MAGI1: variants seen among roughly 807,000 people sequenced by gnomAD.
MAGI1 encodes the protein membrane associated guanylate kinase, WW and PDZ domain containing 1, also known as membrane-associated guanylate kinase, WW and PDZ domain-containing protein 1.
In MAGI1, 58 loss-of-function variants were observed where a neutral mutation model predicts 139.9. The ratio of observed to expected loss-of-function variants is 0.41; its 90% CI spans 0.34 to 0.52. MAGI1 has a LOEUF of 0.52. MAGI1 is among the 20% of genes least tolerant of loss of function. The pLI, the probability that MAGI1 is intolerant of heterozygous loss-of-function variation, is 0.12. For synonymous variants in MAGI1, 812 were observed against 737.9 expected, an observed-to-expected ratio of 1.10 and a Z score of -1.63; for missense variants, 1,874 against 1,901.6, an observed-to-expected ratio of 0.99 and a Z score of 0.27.
chr3:65,985,583 C>A (rs1253205682), intron 1 of MAGI1, among the ~76,000 whole-genome samples: 1 of 152,184 alleles, frequency 6.6e-6, no homozygotes. Flanking sequence ...AATAGACTTT[C>A]TTAAGTGGAA....
chr3:65,408,745 A>G (rs1279327844), intron 12 of MAGI1, among the ~76,000 whole-genome samples: 1 of 152,252 alleles, frequency 6.6e-6, no homozygotes. Context: ...AGCTAACGAC[A>G]GTCCAGAAAA....
In MAGI1 at chr3:65,511,798, A is replaced by G. The variant is rs1229809964; in HGVS notation, c.431-18167T>C. Among the ~76,000 whole-genome samples the G allele has an allele frequency of 6.3e-5, 9 of 143,090 alleles. No homozygotes were observed. The Admixed American group carries it at 6.4e-4, about 10-fold the overall frequency. The allele number at this position is 143,090 out of a possible 152,430, so 93.9% of individuals were successfully genotyped here. ...AGGAATTGAACTCAGCTCTGCACCA[A>G]GTGGACCTAATAGACATCTACAGAA... On this transcript the variant is annotated intron_variant, in intron 2 of 22. Transcript: ENST00000402939.
intron 1 of MAGI1, among the ~76,000 whole-genome samples, chr3:65,663,889 CA>C (rs1487593460): frequency 6.6e-6 from 1 of 152,170 alleles, no homozygotes; most frequent in African/African-American, 2.4e-5. Context: ...GGATCAAAAG[CA>C]ACCCCACTGT....
intron 2 of MAGI1, among the ~76,000 whole-genome samples, chr3:65,499,988 TG>T (rs1011144453): frequency 4.6e-5 from 7 of 152,180 alleles, no homozygotes; most frequent in African/African-American, 1.7e-4. Flanking sequence ...ACCTGATTCT[TG>T]GATATTTTAT....
intron 13 of MAGI1, among the ~76,000 whole-genome samples, chr3:65,396,708 G>A (rs927844336): frequency 3.9e-5 from 6 of 152,190 alleles, no homozygotes; most frequent in African/African-American, 1.4e-4. Context: ...TGCCAAGAGC[G>A]AAGGCTACTG....
intron 2 of MAGI1, among the ~76,000 whole-genome samples, chr3:65,526,545 G>GA (rs1351493145): frequency 2.0e-5 from 3 of 152,186 alleles, no homozygotes; most frequent in Non-Finnish European, 2.9e-5. Flanking sequence ...ATTTGGTAAT[G>GA]AAACTATCCT....
intron 1 of MAGI1, among the ~76,000 whole-genome samples, chr3:65,776,865 A>G (rs1485570031): frequency 6.6e-6 from 1 of 152,192 alleles, no homozygotes. Context: ...TTTTGTTTCT[A>G]TCCATCGCTG....
At chr3:65,475,549 C>T (rs1450250812) in intron 4 of MAGI1, among the ~76,000 whole-genome samples, 1 of 152,158 alleles carries the variant, frequency 6.6e-6, no homozygotes, top group Non-Finnish European at 1.5e-5. Flanking sequence ...AATATTTTTG[C>T]AAAAGTCTTT....
chr3:65,523,001 C>T (rs1296126668), intron 2 of MAGI1, among the ~76,000 whole-genome samples: 1 of 152,114 alleles, frequency 6.6e-6, no homozygotes, highest in Non-Finnish European at 1.5e-5. Context: ...TATGGGTTCT[C>T]ATAGCATTCA....
chr3:65,910,412 G>C (rs1046665741), intron 1 of MAGI1, among the ~76,000 whole-genome samples: 2 of 152,156 alleles, frequency 1.3e-5, no homozygotes, highest in Non-Finnish European at 2.9e-5. Flanking sequence ...TCTTTCAAAT[G>C]CATATTCCAG....
intron 1 of MAGI1, among the ~76,000 whole-genome samples, chr3:65,684,181 A>AG (rs2087821645): frequency 6.7e-6 from 1 of 150,176 alleles, no homozygotes. Flanking sequence ...AAAAAAAAAA[A>AG]AAAAAGAAAA....
chr3:65,384,073 T>A (rs928910853), intron 14 of MAGI1, among the ~76,000 whole-genome samples: 5 of 152,232 alleles, frequency 3.3e-5, no homozygotes, highest in African/African-American at 1.2e-4. Context: ...ACCAGATGTT[T>A]CCTCTACTAG....
At chr3:65,727,309 C>T (rs2033727987) in intron 1 of MAGI1, among the ~76,000 whole-genome samples, 1 of 152,204 alleles carries the variant, frequency 6.6e-6, no homozygotes, top group African/African-American at 2.4e-5. Flanking sequence ...CTGCTTTACA[C>T]ATTTGTGTTA....
chr3:65,816,665 T>C (rs964686212), intron 1 of MAGI1, among the ~76,000 whole-genome samples: 4 of 151,354 alleles, frequency 2.6e-5, no homozygotes, highest in African/African-American at 9.7e-5. Context: ...ATCAATGCCA[T>C]GGAAAATATG....
chr3:65,811,715 A>C (rs2041246447), intron 1 of MAGI1, among the ~76,000 whole-genome samples: 1 of 152,020 alleles, frequency 6.6e-6, no homozygotes, highest in African/African-American at 2.4e-5. Context: ...CAAGAAAAGC[A>C]GAGCCAAGAC....
chr3:66,014,783 G>C (rs767527744), intron 1 of MAGI1, among the ~76,000 whole-genome samples: 1 of 152,134 alleles, frequency 6.6e-6, no homozygotes, highest in Non-Finnish European at 1.5e-5. Context: ...ATCTCATTCC[G>C]TCATTTTCTT....
intron 2 of MAGI1, among the ~76,000 whole-genome samples, chr3:65,522,712 T>C (rs1028879315): frequency 1.1e-4 from 16 of 152,192 alleles, no homozygotes; most frequent in African/African-American, 3.6e-4. Context: ...TGGGTACTTT[T>C]AGCTCCCCAC....
At chr3:65,870,377 A>G (rs2059896813) in intron 1 of MAGI1, among the ~76,000 whole-genome samples, 1 of 152,038 alleles carries the variant, frequency 6.6e-6, no homozygotes, top group Admixed American at 6.5e-5. Flanking sequence ...AGCTATTCAC[A>G]TTCTGATCTC....
rs78262565 is a variant in MAGI1, at chr3:65,610,752, A to G, written c.430+11220T>C. ...CAAATATAGTATATAGTATATATAC[A>G]GTATATATATAGCATATATATATAC... On this transcript the variant is annotated intron_variant, in intron 2 of 22. Coordinates refer to ENST00000402939, the MANE Select transcript of MAGI1 (RefSeq NM_001033057.2). 3.2e-5 allele frequency among the ~76,000 whole-genome samples: 4 copies of G among 123,272 alleles called. No individual in the cohort carries two copies. In the Admixed American group the frequency reaches 3.4e-4, roughly 10 times the overall value. 80.9% of individuals were successfully genotyped at this position (123,272 alleles called of 152,430 possible). A position where few individuals can be genotyped will look rare whatever the true frequency, so the allele number is the denominator to read the frequency against.
Sources: allele counts gnomAD v4.1 joint callset (sites outside exome capture counted in the v4.1 genomes callset), GRCh38; gene constraint gnomAD v4.1.1; transcripts MANE v1.5; gene names NCBI Gene and HGNC (gene_info 2026-07-23, HGNC 2026-07-21).